EYS: variants seen among roughly 807,000 people sequenced by gnomAD.
EYS encodes the protein protein eyes shut homolog.
A neutral mutation model predicts 282.1 loss-of-function variants in EYS; 250 were observed. That is an observed-to-expected ratio of 0.89 (90% CI 0.80 to 0.98). EYS has a LOEUF of 0.98. EYS is among the 50% of genes least tolerant of loss of function. The pLI, the probability that EYS is intolerant of heterozygous loss-of-function variation, is 0.00. For synonymous variants in EYS, 1,355 were observed against 1,282.9 expected, an observed-to-expected ratio of 1.06 and a Z score of -1.20; for missense variants, 4,016 against 3,709.0, an observed-to-expected ratio of 1.08 and a Z score of -2.15.
intron 31 of EYS, among the ~76,000 whole-genome samples, chr6:64,163,206 C>T (rs1294399392): frequency 6.6e-6 from 1 of 151,728 alleles, no homozygotes; most frequent in African/African-American, 2.4e-5. Flanking sequence ...CCTTGCAAGT[C>T]TAAAAACAAA....
In EYS at chr6:63,965,408, T is replaced by A. The variant is rs138492892; in HGVS notation, c.7055+18975A>T. Among the ~76,000 whole-genome samples the A allele has an allele frequency of 1.9e-3, 290 of 152,280 alleles. 1 individual carries two copies. Among genetic ancestry groups the A allele is most frequent in the African/African-American group, 6.7e-3 (278 of 41,562 alleles). On this transcript the variant is annotated intron_variant, in intron 35 of 42. Coordinates refer to ENST00000503581, the MANE Select transcript of EYS (RefSeq NM_001142800.2). ...CTAATAGGTAACATTTATACACCAT[T>A]GTAATTTTTATTTTTAATTGGTTTG...
intron 35 of EYS, among the ~76,000 whole-genome samples, chr6:63,982,845 C>T (rs963612025): frequency 3.3e-5 from 5 of 151,732 alleles, no homozygotes; most frequent in Admixed American, 3.3e-4. Context: ...GTAATTTCAT[C>T]AGTAATAAAG....
rs1766217289 is a variant in EYS, at chr6:65,495,339, A to G, written c.72T>C (p.Cys24=). Residue 24 remains cysteine, a synonymous_variant, in exon 4 of 43, where the codon TGT becomes TGC. Coordinates refer to ENST00000503581, the MANE Select transcript of EYS (RefSeq NM_001142800.2). The part of the protein sequence containing the change: ...FHSSFINGKT[C]RRQLVEEWHP... ...GCCATTCTTCCACCAATTGCCGTCT[A>G]CATGTTTTTCCATTTATGAAAGAGC... 6.2e-7 allele frequency: 1 copy of G among 1,613,900 alleles called. No individual in the cohort carries two copies. The highest frequency in any genetic ancestry group is 2.2e-5 in the East Asian group (1 of 44,866).
chr6:64,747,571 G>T (rs996546139), intron 22 of EYS, among the ~76,000 whole-genome samples: 10 of 152,080 alleles, frequency 6.6e-5, no homozygotes, highest in Non-Finnish European at 1.5e-4. Context: ...GTAGAGACCA[G>T]GTTTCACCAT....
intron 31 of EYS, among the ~76,000 whole-genome samples, chr6:64,122,778 CTA>C (rs77555924): frequency 0.066 from 10,099 of 152,112 alleles, 839 homozygotes; most frequent in African/African-American, 0.2. Flanking sequence ...TCTTCGTAGA[CTA>C]TGCAAATATA....
At chr6:65,263,012 G>T (rs1439542824) in intron 12 of EYS, among the ~76,000 whole-genome samples, 1 of 152,074 alleles carries the variant, frequency 6.6e-6, no homozygotes, top group Admixed American at 6.6e-5. Flanking sequence ...CATATAAAAA[G>T]GAGATAACTT....
intron 30 of EYS, among the ~76,000 whole-genome samples, chr6:64,236,330 A>G (rs1766606095): frequency 6.6e-6 from 1 of 152,184 alleles, no homozygotes; most frequent in Non-Finnish European, 1.5e-5. Flanking sequence ...TCTATTCATT[A>G]GTTGAAAGAT....
chr6:65,633,008 A>C (rs570918688), intron 2 of EYS, among the ~76,000 whole-genome samples: 2 of 152,298 alleles, frequency 1.3e-5, no homozygotes, highest in East Asian at 3.9e-4. Flanking sequence ...ATGTCTATCT[A>C]CAGAAATTTA....
intron 30 of EYS, among the ~76,000 whole-genome samples, chr6:64,287,492 A>G (rs1326874477): frequency 6.6e-6 from 1 of 152,186 alleles, no homozygotes; most frequent in Admixed American, 6.5e-5. Flanking sequence ...AATGAAATCA[A>G]TTCATATCTC....
At chr6:64,528,589 C>G (rs548336372) in intron 26 of EYS, among the ~76,000 whole-genome samples, 20 of 152,014 alleles carry the variant, frequency 1.3e-4, no homozygotes, top group African/African-American at 4.6e-4. Flanking sequence ...TCATTCATGT[C>G]AAAAATCTTA....
chr6:64,666,365 ATCCAATCTAATGATTACAAAAG>A (rs1478106062), intron 22 of EYS, among the ~76,000 whole-genome samples: 1 of 152,208 alleles, frequency 6.6e-6, no homozygotes, highest in Non-Finnish European at 1.5e-5. Flanking sequence ...AACAAAAATC[ATCCAATCTAATGATTACAAAAG>A]TCAAGACTCT....
intron 30 of EYS, among the ~76,000 whole-genome samples, chr6:64,280,484 T>G (rs545631496): frequency 6.6e-6 from 1 of 152,154 alleles, no homozygotes; most frequent in Non-Finnish European, 1.5e-5. Context: ...GATGTGTGAC[T>G]TCATTCATAA....
In EYS at chr6:65,370,963, G is replaced by A. The variant is rs150620385; in HGVS notation, c.1299+13423C>T. Among the ~76,000 whole-genome samples the A allele has an allele frequency of 4.0e-3, 609 of 151,784 alleles. 6 individuals are homozygous for A. Among genetic ancestry groups the A allele is most frequent in the African/African-American group, 0.014 (579 of 41,472 alleles). On this transcript the variant is annotated intron_variant, in intron 8 of 42. Coordinates refer to ENST00000503581, the MANE Select transcript of EYS (RefSeq NM_001142800.2). Reference sequence around the variant, plus strand: ...ATAAAAATAATGTTTGAAGAACTATGTTGTAAACTGGGAAGCCAGATGGCA... The same window carrying A: ...ATAAAAATAATGTTTGAAGAACTATATTGTAAACTGGGAAGCCAGATGGCA...
chr6:63,857,700 A>G, intron 36 of EYS: 2 of 424,056 alleles, frequency 4.7e-6, no homozygotes, highest in South Asian at 3.7e-5. Flanking sequence ...TTTGATGTGG[A>G]TGTTGACCTT....
rs187912379 is a variant in EYS at position 64,462,993 on chromosome 6, T to C, written c.5645-23641A>G. On this transcript the variant is annotated intron_variant, in intron 26 of 42. Transcript: ENST00000503581. Reference sequence around the variant, plus strand: ...TGAAGTCTCGCTCTGTTGCCCAGGCTGGAGTGCAGTGGCGAGATCTCGGGC... The same window carrying C: ...TGAAGTCTCGCTCTGTTGCCCAGGCCGGAGTGCAGTGGCGAGATCTCGGGC... Among the ~76,000 whole-genome samples the C allele has an allele frequency of 7.2e-3, 1,054 of 145,980 alleles. 8 individuals are homozygous for C. Among genetic ancestry groups the C allele is most frequent in the African/African-American group, 0.026 (1,013 of 39,128 alleles).
chr6:64,456,179 C>T (rs1246071687), intron 26 of EYS, among the ~76,000 whole-genome samples: 1 of 151,998 alleles, frequency 6.6e-6, no homozygotes, highest in East Asian at 1.9e-4. Context: ...CACTCAAATT[C>T]CATGTCAAAC....
chr6:63,781,035 A>G (rs915088982), intron 39 of EYS, among the ~76,000 whole-genome samples: 5 of 152,094 alleles, frequency 3.3e-5, no homozygotes, highest in African/African-American at 9.7e-5. Flanking sequence ...TTTTTATCAG[A>G]TTTGTCAAAG....
At chr6:65,563,378 C>A (rs2127346722) in intron 2 of EYS, among the ~76,000 whole-genome samples, 1 of 151,632 alleles carries the variant, frequency 6.6e-6, no homozygotes, top group South Asian at 2.1e-4. Flanking sequence ...AGAGTAATTG[C>A]AGGAGAAAAT....
At chr6:64,556,777 C>T (rs893254486) in intron 26 of EYS, among the ~76,000 whole-genome samples, 5 of 151,756 alleles carry the variant, frequency 3.3e-5, no homozygotes, top group Admixed American at 6.6e-5. Context: ...ATTTACAAAA[C>T]CTTTTCAGAA....
Sources: allele counts gnomAD v4.1 joint callset (sites outside exome capture counted in the v4.1 genomes callset), GRCh38; gene constraint gnomAD v4.1.1; transcripts MANE v1.5; gene names NCBI Gene and HGNC (gene_info 2026-07-23, HGNC 2026-07-21).